ZMYND8: variants seen among roughly 807,000 people sequenced by gnomAD.
The protein encoded by ZMYND8 is MYND-type zinc finger-containing chromatin reader ZMYND8.
ZMYND8 carries 37 observed loss-of-function variants against 140.8 expected under a neutral mutation model. That is an observed-to-expected ratio of 0.26 (90% CI 0.20 to 0.35). ZMYND8 has a LOEUF of 0.35. Among genes scored for constraint, ZMYND8 ranks in the 10% least tolerant of loss-of-function variants. The probability of loss-of-function intolerance (pLI) is 1.00; values close to 1 mark genes in which losing one functional copy is unlikely to be tolerated. For synonymous variants in ZMYND8, 592 were observed against 597.1 expected (o/e 0.99, Z 0.12); for missense variants, 1,068 against 1,570.0 (o/e 0.68, Z 5.40).
intron 18 of ZMYND8, among the ~76,000 whole-genome samples, chr20:47,224,761 A>G (rs1329322587): frequency 6.6e-6 from 1 of 152,214 alleles, no homozygotes; most frequent in Non-Finnish European, 1.5e-5. Flanking sequence ...CTGCCTGTTG[A>G]GAGTGGACAT....
chr20:47,301,141 G>A (rs2078012534), intron 3 of ZMYND8, among the ~76,000 whole-genome samples: 1 of 149,472 alleles, frequency 6.7e-6, no homozygotes, highest in African/African-American at 2.5e-5. Flanking sequence ...ACTTATAAAT[G>A]TGATTGCATA....
chr20:47,283,741 T>C lies in ZMYND8; in HGVS notation c.805-93A>G, dbSNP rs538372946. 3 of 1,303,864 alleles carry C rather than the reference T, an allele frequency of 2.3e-6. No individual in the cohort carries two copies. In the East Asian group the frequency reaches 7.3e-5, roughly 32 times the overall value. 80.8% of individuals were successfully genotyped at this position (1,303,864 alleles called of 1,614,324 possible). A position where few individuals can be genotyped will look rare whatever the true frequency, so the allele number is the denominator to read the frequency against. On this transcript the variant is annotated intron_variant, in intron 8 of 22. Transcript: ENST00000471951. The stretch of plus-strand genomic sequence containing the variant: ...CTTGATGATTTTGAAGGTTAAGATG[T>C]TTTAAAGTCCCATAGAGGGAACACC...
intron 2 of ZMYND8, among the ~76,000 whole-genome samples, chr20:47,325,690 G>A (rs545132178): frequency 2.0e-5 from 3 of 152,164 alleles, no homozygotes; most frequent in Non-Finnish European, 4.4e-5. Flanking sequence ...GGGCCATTCA[G>A]CTAAATGCAA....
rs996019216 is a variant in ZMYND8, at chr20:47,270,272, C to T, written c.1480+6042G>A. On this transcript the variant is annotated intron_variant, in intron 11 of 22. Coordinates refer to ENST00000471951, the MANE Select transcript of ZMYND8 (RefSeq NM_001281775.3). ...AAAAAAATCCCAGCTACTCGGGAGGCTGAGGCAGGAGAATCGCTTGAACCC... is the reference window on the plus strand; with the variant it reads ...AAAAAAATCCCAGCTACTCGGGAGGTTGAGGCAGGAGAATCGCTTGAACCC... 2.0e-5 allele frequency among the ~76,000 whole-genome samples: 3 copies of T among 149,222 alleles called. No individual in the cohort carries two copies. The South Asian group carries it at 6.4e-4, about 32-fold the overall frequency.
At chr20:47,314,088 G>C (rs1349795609) in intron 2 of ZMYND8, among the ~76,000 whole-genome samples, 1 of 140,642 alleles carries the variant, frequency 7.1e-6, no homozygotes, top group Non-Finnish European at 1.5e-5. Flanking sequence ...GGGACTACTG[G>C]TTGCCTTGGG....
At chr20:47,322,223 A>G (rs1272290871) in intron 2 of ZMYND8, among the ~76,000 whole-genome samples, 1 of 152,054 alleles carries the variant, frequency 6.6e-6, no homozygotes, top group Non-Finnish European at 1.5e-5. Context: ...TAAAGCGGCT[A>G]TTAAGTACAG....
chr20:47,225,596 A>AGGGAGGGTAAT lies in ZMYND8; in HGVS notation c.3017-1041_3017-1040insATTACCCTCCC, dbSNP rs1278247657. On this transcript the variant is annotated intron_variant, in intron 18 of 22. Coordinates refer to ENST00000471951, the MANE Select transcript of ZMYND8 (RefSeq NM_001281775.3). The stretch of plus-strand genomic sequence containing the variant: ...GGGGAAGGGAGGGGAAGGAAGGGGA[A>AGGGAGGGTAAT]GGAGGGGATGGGAGGGGAATGGTCC... 7.1e-3 allele frequency among the ~76,000 whole-genome samples: 34 copies of AGGGAGGGTAAT among 4,798 alleles called. 1 individual carries two copies. The highest frequency in any genetic ancestry group is 8.4e-3 in the Non-Finnish European group (25 of 2,970). The allele number at this position is 4,798 out of a possible 152,430, so 3.1% of individuals were successfully genotyped here.
chr20:47,343,098 C>G (rs1012433267), intron 2 of ZMYND8, among the ~76,000 whole-genome samples: 1 of 152,030 alleles, frequency 6.6e-6, no homozygotes, highest in Non-Finnish European at 1.5e-5. Flanking sequence ...CTGGGCAACA[C>G]AGCGAGACTC....
At chr20:47,349,732 G>A (rs1452118411) in intron 1 of ZMYND8, 2 of 1,309,484 alleles carry the variant, frequency 1.5e-6, no homozygotes, top group East Asian at 5.1e-5. Flanking sequence ...CATGAAGTAT[G>A]TGAAATTCTA....
chr20:47,344,751 G>A (rs1470257624), intron 2 of ZMYND8, among the ~76,000 whole-genome samples: 2 of 152,140 alleles, frequency 1.3e-5, no homozygotes, highest in Non-Finnish European at 1.5e-5. Flanking sequence ...GGGAACTCTT[G>A]GCACTATCCT....
intron 2 of ZMYND8, among the ~76,000 whole-genome samples, chr20:47,314,877 G>A (rs1043770541): frequency 2.6e-5 from 4 of 152,178 alleles, no homozygotes; most frequent in Non-Finnish European, 4.4e-5. Context: ...CTGCAAAATG[G>A]GAAGAGCCGG....
At chr20:47,227,368 G>T in intron 17 of ZMYND8, 87 bp from the exon 18 acceptor site, 1 of 1,291,440 alleles carries the variant, frequency 7.7e-7, no homozygotes, top group Non-Finnish European at 1.1e-6. Flanking sequence ...CTGGCTGTGA[G>T]GGGTATGGGA....
In ZMYND8 at chr20:47,245,954, G is replaced by A. The variant is rs77690386; in HGVS notation, c.2284+54C>T. On this transcript the variant is annotated intron_variant, in intron 14 of 22. Transcript: ENST00000471951. ...ACATAACTTTTGATAGTAAGTGTAC[G>A]AGGTAGGATTCTAAACCAAATTAAG... 398 of 1,530,364 alleles carry A rather than the reference G, an allele frequency of 2.6e-4. 5 individuals are homozygous for A. The East Asian group carries it at 8.5e-3, about 33-fold the overall frequency. 94.8% of individuals were successfully genotyped at this position (1,530,364 alleles called of 1,614,324 possible).
At chr20:47,293,948 C>G (rs1440073046) in intron 5 of ZMYND8, among the ~76,000 whole-genome samples, 3 of 152,170 alleles carry the variant, frequency 2.0e-5, no homozygotes, top group East Asian at 1.9e-4. Flanking sequence ...TTCCCACCCC[C>G]CTTCTCCTGC....
At chr20:47,246,931 A>G (rs2040628972) in intron 13 of ZMYND8, among the ~76,000 whole-genome samples, 1 of 152,212 alleles carries the variant, frequency 6.6e-6, no homozygotes, top group African/African-American at 2.4e-5. Flanking sequence ...GCCCTAGGAC[A>G]CAAGACAGAG....
chr20:47,356,397 C>A, intron 1 of ZMYND8: 2 of 1,493,272 alleles, frequency 1.3e-6, no homozygotes, highest in Non-Finnish European at 1.8e-6. Context: ...TAGCTTCAAA[C>A]TCTTCCAGAA....
At chr20:47,256,349 G>A (rs1401536720) in intron 12 of ZMYND8, among the ~76,000 whole-genome samples, 1 of 152,210 alleles carries the variant, frequency 6.6e-6, no homozygotes, top group Admixed American at 6.5e-5. Context: ...GCCGGGCACA[G>A]TGGCTCACGC....
intron 2 of ZMYND8, among the ~76,000 whole-genome samples, chr20:47,334,527 G>A (rs1271371265): frequency 1.3e-5 from 2 of 151,270 alleles, no homozygotes; most frequent in South Asian, 2.1e-4. Flanking sequence ...CTGCTAATGA[G>A]TATGAAGTTT....
intron 13 of ZMYND8, among the ~76,000 whole-genome samples, chr20:47,247,145 T>C (rs1478513758): frequency 6.6e-6 from 1 of 152,244 alleles, no homozygotes; most frequent in Non-Finnish European, 1.5e-5. Context: ...ACAGGGTATC[T>C]TGTCTGCTTT....
Sources: gnomAD v4.1 joint callset for allele counts (sites outside exome capture counted in the v4.1 genomes callset) on GRCh38, gnomAD v4.1.1 for gene constraint, MANE v1.5 for transcripts, NCBI Gene and HGNC (gene_info 2026-07-23, HGNC 2026-07-21) for gene names.